The following PTPRZ1 variants were observed in gnomAD, a reference collection of about 807,000 sequenced individuals.
PTPRZ1 encodes protein tyrosine phosphatase receptor type Z1, also known as receptor-type tyrosine-protein phosphatase zeta.
A neutral mutation model predicts 214.1 loss-of-function variants in PTPRZ1; 82 were observed. The observed-to-expected ratio is 0.38, with a 90% CI of 0.32 to 0.46. The LOEUF is 0.46. PTPRZ1 is among the 20% of genes least tolerant of loss of function. PTPRZ1 has a pLI of 1.00. For synonymous variants in PTPRZ1, 945 were observed against 987.9 expected, an observed-to-expected ratio of 0.96 and a Z score of 0.81; for missense variants, 2,603 against 2,748.7, an observed-to-expected ratio of 0.95 and a Z score of 1.19.
intron 7 of PTPRZ1, 32 bp from the exon 8 acceptor site, chr7:121,983,935 A>C (rs572345305): frequency 1.9e-6 from 3 of 1,605,128 alleles, no homozygotes; most frequent in Middle Eastern, 1.7e-4. Context: ...CCTTTGAAGC[A>C]GATATGTTAA....
At chr7:122,038,484 T>C (rs1314601162) in intron 18 of PTPRZ1, among the ~76,000 whole-genome samples, 1 of 150,870 alleles carries the variant, frequency 6.6e-6, no homozygotes, top group Non-Finnish European at 1.5e-5. Flanking sequence ...AGAATTATAG[T>C]TGTGTCAAAG....
In PTPRZ1 at chr7:121,972,568, G is replaced by A. The variant is rs561079990; in HGVS notation, c.332G>A (p.Arg111His). ...TVEINLTNDY[R>H]VSGGVSEMVF... ...GAAATTAATCTCACTAATGACTACC[G>A]TGTCAGCGGAGGAGTTTCAGAAATG... Residue 111 changes from arginine (R) to histidine (H), a missense_variant, in exon 4 of 30, where the codon CGT becomes CAT. Around this residue, in one of 6 missense-constraint regions of PTPRZ1, gnomAD observed 141 missense variants for 143.7 expected, o/e 0.98. Coordinates refer to ENST00000393386, the MANE Select transcript of PTPRZ1 (RefSeq NM_002851.3). The A allele has an allele frequency of 7.4e-6, 12 of 1,611,926 alleles. No individual in the cohort carries two copies. Among genetic ancestry groups the A allele is most frequent in the East Asian group, 4.5e-5 (2 of 44,778 alleles).
intron 4 of PTPRZ1, among the ~76,000 whole-genome samples, chr7:121,975,892 T>C (rs1584701766): frequency 1.3e-5 from 2 of 152,314 alleles, no homozygotes; most frequent in East Asian, 3.9e-4. Flanking sequence ...TTTAAAATAA[T>C]TCCATAAAGC....
intron 1 of PTPRZ1, among the ~76,000 whole-genome samples, chr7:121,918,214 C>G (rs1584636786): frequency 1.3e-5 from 2 of 152,262 alleles, no homozygotes; most frequent in East Asian, 3.9e-4. Flanking sequence ...GTTGTTAACA[C>G]ATAAAGCTGC....
chr7:121,909,868 CTGGAGAGG>C (rs1227582703), intron 1 of PTPRZ1, among the ~76,000 whole-genome samples: 1 of 152,130 alleles, frequency 6.6e-6, no homozygotes, highest in African/African-American at 2.4e-5. Flanking sequence ...GGACACTGGA[CTGGAGAGG>C]TGGAGTGAAA....
chr7:121,875,893 C>T lies in PTPRZ1; in HGVS notation c.58+2336C>T, dbSNP rs1794044020. ...GCGTTTACCCCTCATCTTCAGTGTTCTTAGAGCCAATGAGGTAGCCTGACA... is the reference window on the plus strand; with the variant it reads ...GCGTTTACCCCTCATCTTCAGTGTTTTTAGAGCCAATGAGGTAGCCTGACA... On this transcript the variant is annotated intron_variant, in intron 1 of 29. Coordinates refer to ENST00000393386, the MANE Select transcript of PTPRZ1 (RefSeq NM_002851.3). Among the ~76,000 whole-genome samples, 4 of 152,306 alleles carry T rather than the reference C, an allele frequency of 2.6e-5. No homozygotes were observed. In the South Asian group the frequency reaches 8.3e-4, roughly 32 times the overall value.
At chr7:122,008,074 A>C (rs576218185) in intron 11 of PTPRZ1, among the ~76,000 whole-genome samples, 58 of 152,254 alleles carry the variant, frequency 3.8e-4, no homozygotes, top group African/African-American at 1.3e-3. Flanking sequence ...CCAACTATGT[A>C]ATAAGAAGAG....
intron 11 of PTPRZ1, among the ~76,000 whole-genome samples, chr7:122,008,703 T>G (rs1482078861): frequency 6.6e-6 from 1 of 151,568 alleles, no homozygotes; most frequent in African/African-American, 2.4e-5. Flanking sequence ...AGAGAAGGAG[T>G]GTGGAGTGAT....
intron 15 of PTPRZ1, 193 bp from the exon 16 acceptor site, chr7:122,033,902 G>A (rs1799459908): frequency 1.9e-6 from 1 of 540,078 alleles, no homozygotes; most frequent in South Asian, 3.0e-5. Context: ...TAATTTTAAA[G>A]TTCCAAATTA....
chr7:122,008,832 T>C (rs1293968784), intron 11 of PTPRZ1, among the ~76,000 whole-genome samples: 3 of 152,106 alleles, frequency 2.0e-5, no homozygotes, highest in African/African-American at 7.2e-5. Context: ...AAAACAAATA[T>C]TTATGAGAAC....
At chr7:121,917,703 C>T (rs1795466018) in intron 1 of PTPRZ1, among the ~76,000 whole-genome samples, 2 of 151,912 alleles carry the variant, frequency 1.3e-5, no homozygotes, top group African/African-American at 4.8e-5. Flanking sequence ...AAATATATAT[C>T]CCTATTTTTA....
At chr7:121,954,674 C>G (rs1216436914) in intron 2 of PTPRZ1, among the ~76,000 whole-genome samples, 1 of 152,158 alleles carries the variant, frequency 6.6e-6, no homozygotes, top group Non-Finnish European at 1.5e-5. Flanking sequence ...GATGATGGCA[C>G]TTTTATTCAT....
chr7:122,010,103 G>A (rs186548131), intron 11 of PTPRZ1, among the ~76,000 whole-genome samples: 353 of 151,894 alleles, frequency 2.3e-3, no homozygotes, highest in African/African-American at 8.0e-3. Flanking sequence ...TCTTTCCATA[G>A]CATTAAAATA....
intron 1 of PTPRZ1, among the ~76,000 whole-genome samples, chr7:121,920,852 C>A (rs974351849): frequency 1.3e-5 from 2 of 152,028 alleles, no homozygotes; most frequent in Non-Finnish European, 2.9e-5. Context: ...TGTTATGATG[C>A]TGTAAAATAA....
intron 2 of PTPRZ1, among the ~76,000 whole-genome samples, chr7:121,943,069 A>C (rs1796274154): frequency 6.6e-6 from 1 of 152,220 alleles, no homozygotes; most frequent in Admixed American, 6.5e-5. Flanking sequence ...TCATGCTAAA[A>C]TATCATGGAT....
Position 122,048,905 on chromosome 7 carries a change from C to G in PTPRZ1, c.6085-2523C>G, listed in dbSNP as rs566834392. On this transcript the variant is annotated intron_variant, in intron 23 of 29. Coordinates refer to ENST00000393386, the MANE Select transcript of PTPRZ1 (RefSeq NM_002851.3). ...GACAAATATAACTTTGATACCAAAA[C>G]TGAACAAAGACAGAATAAGACACTT... is the stretch of plus-strand genomic sequence containing the variant. Among the ~76,000 whole-genome samples, 4 of 152,120 alleles carry G rather than the reference C, an allele frequency of 2.6e-5. No individual in the cohort carries two copies. In the South Asian group the frequency reaches 8.3e-4, roughly 32 times the overall value.
chr7:121,985,776 T>C (rs1445202231), intron 8 of PTPRZ1, among the ~76,000 whole-genome samples: 1 of 152,224 alleles, frequency 6.6e-6, no homozygotes, highest in Non-Finnish European at 1.5e-5. Flanking sequence ...TAAATGGTGC[T>C]CCTCTGGAGG....
chr7:122,010,454 A>G lies in PTPRZ1; in HGVS notation c.1408A>G (p.Ile470Val), dbSNP rs149926989. 1 of 1,614,092 alleles carries G rather than the reference A, an allele frequency of 6.2e-7. No homozygotes were observed. The highest frequency in any genetic ancestry group is 8.5e-7 in the Non-Finnish European group (1 of 1,179,968). The change falls in exon 12 of 30, where the codon ATA (isoleucine) becomes GTA (valine). Residue 470 changes from isoleucine to valine, a missense_variant. This residue lies in a region of PTPRZ1 where 1,913 missense variants were observed against 1,914.3 expected (regional missense o/e 1.00). Coordinates refer to ENST00000393386, the MANE Select transcript of PTPRZ1 (RefSeq NM_002851.3). ...TTCTACCACAACACACTACAATCGC[A>G]TAGGGACGAAATACAATGAAGCCAA... ...QISTTTHYNR[I>V]GTKYNEAKTN...
chr7:121,914,103 CAGG>C (rs1007924501), intron 1 of PTPRZ1, among the ~76,000 whole-genome samples: 14 of 152,272 alleles, frequency 9.2e-5, no homozygotes, highest in African/African-American at 3.4e-4. Context: ...CCCTTGAACC[CAGG>C]AGTTCAAGAG....
Sources: gnomAD v4.1 joint callset for allele counts (sites outside exome capture counted in the v4.1 genomes callset) on GRCh38, gnomAD v4.1.1 for gene constraint, gnomAD v4.1.1 regional missense constraint, MANE v1.5 for transcripts, NCBI Gene and HGNC (gene_info 2026-07-23, HGNC 2026-07-21) for gene names.